The following ARHGEF7 variants were observed in gnomAD, a reference collection of about 807,000 sequenced individuals.
ARHGEF7 encodes the protein PAK-interacting exchange factor beta.
ARHGEF7 carries 33 observed loss-of-function variants against 109.8 expected under a neutral mutation model. That is an observed-to-expected ratio of 0.30 (90% CI 0.23 to 0.40). The LOEUF (loss-of-function observed/expected upper bound fraction) is 0.40, where lower values mean the gene tolerates loss of function less well. Ranked by LOEUF, ARHGEF7 falls within the 10% of genes least tolerant of loss-of-function variation. ARHGEF7 has a pLI of 1.00. For synonymous variants in ARHGEF7, 458 were observed against 424.6 expected (o/e 1.08, Z -0.97); for missense variants, 938 against 1,098.5 (o/e 0.85, Z 2.07).
intron 2 of ARHGEF7, among the ~76,000 whole-genome samples, chr13:111,157,248 T>TCC (rs2076407170): frequency 6.6e-6 from 1 of 151,848 alleles, no homozygotes; most frequent in African/African-American, 2.4e-5. Flanking sequence ...GCAACTTGGA[T>TCC]GACTTCATTT....
At chr13:111,295,395 A>C (rs867593287) in intron 19 of ARHGEF7, among the ~76,000 whole-genome samples, 1 of 152,186 alleles carries the variant, frequency 6.6e-6, no homozygotes. Context: ...CTCCTTGTAC[A>C]TTTCTTATTT....
intron 5 of ARHGEF7, among the ~76,000 whole-genome samples, chr13:111,218,168 C>CT (rs869249587): frequency 1.1e-3 from 154 of 144,564 alleles, no homozygotes; most frequent in East Asian, 3.2e-3. Flanking sequence ...AAGAATTGAT[C>CT]TTTTTTTTTT....
At position 111,117,697 on chromosome 13, in the gene ARHGEF7, C is replaced by T. The variant is rs571361867; in HGVS notation, c.165+2006C>T. 1.1e-3 allele frequency among the ~76,000 whole-genome samples: 169 copies of T among 152,118 alleles called. 4 individuals are homozygous for T. The South Asian group carries it at 0.025, about 22-fold the overall frequency. ...TCTTTTTCTCTTTCTTTCTTTCTCT[C>T]TCTCTCTCTGTCTCTCTCTCTCTTT... On this transcript the variant is annotated intron_variant, in intron 1 of 21. Transcript: ENST00000646102.
chr13:111,182,698 G>C (rs2078879596), intron 2 of ARHGEF7: 1 of 152,244 alleles, frequency 6.6e-6, no homozygotes, highest in South Asian at 2.1e-4. Context: ...ACTTGGACTA[G>C]ATGTTTAGAA....
Position 111,221,492 on chromosome 13 carries a change from C to CT in ARHGEF7, c.670+3612_670+3613insT, listed in dbSNP as rs2084214281. 7.3e-5 allele frequency among the ~76,000 whole-genome samples: 3 copies of CT among 41,190 alleles called. 1 individual carries two copies. Among genetic ancestry groups the CT allele is most frequent in the African/African-American group, 1.9e-4 (2 of 10,668 alleles). The allele number at this position is 41,190 out of a possible 152,430, so 27.0% of individuals were successfully genotyped here. A position where few individuals can be genotyped will look rare whatever the true frequency, so the allele number is the denominator to read the frequency against. On this transcript the variant is annotated intron_variant, in intron 5 of 21. Transcript: ENST00000646102. ...ATCTATATATATAGATATATATAGA[C>CT]ATATATATATCTATATATATAGATA...
rs1471882560 is a variant in ARHGEF7 at position 111,300,826 on chromosome 13, G to T, written c.2390G>T (p.Gly797Val). 6.2e-7 allele frequency: 1 copy of T among 1,604,650 alleles called. No homozygotes were observed. Residue 797 changes from glycine (G) to valine (V), a missense_variant, in exon 20 of 22, where the codon GGT becomes GTT. Physicochemically the swap from Gly to Val is moderately radical, Grantham distance 109. Around this residue, in one of 4 missense-constraint regions of ARHGEF7, gnomAD observed 166 missense variants for 167.3 expected, o/e 0.99. Transcript: ENST00000646102. ...ATAGTGGAAGAAACTAAAAGTAATGGTCAGACAGTGATAGAAGAAAAGTAA... is the reference window on the plus strand; with the variant it reads ...ATAGTGGAAGAAACTAAAAGTAATGTTCAGACAGTGATAGAAGAAAAGTAA... Reference protein sequence around the residue: ...KIIVEETKSNGQTVIEEKSLV... With the variant: ...KIIVEETKSNVQTVIEEKSLV...
At chr13:111,203,005 C>T (rs1212205868) in intron 2 of ARHGEF7, 3 of 1,176,194 alleles carry the variant, frequency 2.6e-6, no homozygotes, top group Non-Finnish European at 2.2e-6. Context: ...CAATCAGATG[C>T]TTCCTGGGTA....
intron 2 of ARHGEF7, among the ~76,000 whole-genome samples, chr13:111,164,549 A>G (rs948711771): frequency 1.3e-5 from 2 of 152,186 alleles, no homozygotes; most frequent in African/African-American, 2.4e-5. Flanking sequence ...GAATTTTTTG[A>G]TAAGGAGCTT....
intron 2 of ARHGEF7, among the ~76,000 whole-genome samples, chr13:111,165,732 C>T (rs559901662): frequency 1.3e-5 from 2 of 152,236 alleles, no homozygotes; most frequent in African/African-American, 2.4e-5. Context: ...CTCCTGAGTT[C>T]GTGGCACAAG....
rs1165948451 is a variant in ARHGEF7 at position 111,221,504 on chromosome 13, T to G, written c.670+3624T>G. ...AGATATATATAGACATATATATATC[T>G]ATATATATAGATATATATCTATATA... On this transcript the variant is annotated intron_variant, in intron 5 of 21. Transcript: ENST00000646102. Among the ~76,000 whole-genome samples the G allele has an allele frequency of 7.3e-3, 459 of 62,454 alleles. 25 individuals carry two copies. In the Middle Eastern group the frequency reaches 0.08, roughly 11 times the overall value. 41.0% of individuals were successfully genotyped at this position (62,454 alleles called of 152,430 possible).
At chr13:111,235,651 G>A (rs931905749) in intron 6 of ARHGEF7, among the ~76,000 whole-genome samples, 3 of 152,206 alleles carry the variant, frequency 2.0e-5, no homozygotes, top group South Asian at 4.1e-4. Flanking sequence ...GAAGCTAAAT[G>A]CCTTGTCCAA....
intron 2 of ARHGEF7, among the ~76,000 whole-genome samples, chr13:111,179,100 A>G: frequency 6.9e-6 from 1 of 145,894 alleles, no homozygotes; most frequent in Non-Finnish European, 1.5e-5. Flanking sequence ...TTTTTTTGAG[A>G]CAGAATCTTG....
intron 8 of ARHGEF7, among the ~76,000 whole-genome samples, chr13:111,246,440 GA>G (rs1451665772): frequency 6.6e-6 from 1 of 152,142 alleles, no homozygotes; most frequent in Non-Finnish European, 1.5e-5. Flanking sequence ...CAACCATGAT[GA>G]AAATACTTTG....
chr13:111,262,366 A>G (rs1034235329), intron 8 of ARHGEF7, among the ~76,000 whole-genome samples: 12 of 152,210 alleles, frequency 7.9e-5, no homozygotes, highest in Non-Finnish European at 1.5e-4. Context: ...GAGACCTGCC[A>G]GAGGTCATGT....
chr13:111,221,334 T>TATATATCTATATATAGATATATATAGAC (rs2083982523), intron 5 of ARHGEF7, among the ~76,000 whole-genome samples: 1 of 13,588 alleles, frequency 7.4e-5, no homozygotes, highest in Non-Finnish European at 1.5e-4. Context: ...TATATGTCTA[T>TATATATCTATATATAGATATATATAGAC]ATATATCTAT....
rs1275289025 is a variant in ARHGEF7, at chr13:111,221,427, A to G, written c.670+3547A>G. 1.6e-4 allele frequency among the ~76,000 whole-genome samples: 3 copies of G among 18,326 alleles called. 1 individual carries two copies. The highest frequency in any genetic ancestry group is 3.7e-4 in the African/African-American group (3 of 8,202). 12.0% of individuals were successfully genotyped at this position (18,326 alleles called of 152,430 possible). On this transcript the variant is annotated intron_variant, in intron 5 of 21. Transcript: ENST00000646102. ...TATATATATAGATGTCTATATATCTATATATAGATATATATATCTATATAT... is the reference window on the plus strand; with the variant it reads ...TATATATATAGATGTCTATATATCTGTATATAGATATATATATCTATATAT...
intron 2 of ARHGEF7, among the ~76,000 whole-genome samples, chr13:111,179,858 CT>C (rs2078565569): frequency 6.6e-6 from 1 of 152,222 alleles, no homozygotes; most frequent in South Asian, 2.1e-4. Context: ...ATACTCTGTA[CT>C]TCCCATTGGG....
chr13:111,124,671 C>T (rs868496039), intron 1 of ARHGEF7, among the ~76,000 whole-genome samples: 66 of 152,342 alleles, frequency 4.3e-4, no homozygotes, highest in African/African-American at 1.2e-3. Context: ...GGGATGGGAC[C>T]TTCTAGTCTC....
chr13:111,172,888 C>T (rs955245944), intron 2 of ARHGEF7, among the ~76,000 whole-genome samples: 6 of 152,086 alleles, frequency 3.9e-5, no homozygotes, highest in Non-Finnish European at 5.9e-5. Context: ...CTTTTTCTCC[C>T]GATTATAGTA....
Sources: allele counts gnomAD v4.1 joint callset (sites outside exome capture counted in the v4.1 genomes callset), GRCh38; gene constraint gnomAD v4.1.1; regional missense constraint gnomAD v4.1.1; transcripts MANE v1.5; gene names NCBI Gene and HGNC (gene_info 2026-07-23, HGNC 2026-07-21).